PEBP4: variants seen among roughly 807,000 people sequenced by gnomAD.
PEBP4 encodes the protein phosphatidylethanolamine binding protein 4.
PEBP4 carries 22 observed loss-of-function variants against 23.9 expected under a neutral mutation model. The observed-to-expected ratio is 0.92, with a 90% CI of 0.66 to 1.31. The LOEUF (loss-of-function observed/expected upper bound fraction) is 1.31, where lower values mean the gene tolerates loss of function less well. Ranked by LOEUF, PEBP4 falls within the 40% of genes most tolerant of loss-of-function variation. The pLI is 0.00. For synonymous variants in PEBP4, 112 were observed against 99.3 expected (o/e 1.13, Z -0.76); for missense variants, 324 against 281.7 (o/e 1.15, Z -1.07).
chr8:22,850,449 G>A (rs1807528602), intron 3 of PEBP4, among the ~76,000 whole-genome samples: 1 of 152,230 alleles, frequency 6.6e-6, no homozygotes, highest in African/African-American at 2.4e-5. Flanking sequence ...TGGGAAGCCA[G>A]AGAGCAAAGT....
At chr8:22,924,090 T>C (rs1809271718) in intron 2 of PEBP4, among the ~76,000 whole-genome samples, 1 of 152,156 alleles carries the variant, frequency 6.6e-6, no homozygotes, top group South Asian at 2.1e-4. Context: ...AAGCCAGGTA[T>C]GGCAGTGCAT....
intron 3 of PEBP4, among the ~76,000 whole-genome samples, chr8:22,820,915 TG>T (rs1806844423): frequency 6.6e-6 from 1 of 152,314 alleles, no homozygotes; most frequent in Non-Finnish European, 1.5e-5. Flanking sequence ...GCTTTGGGGC[TG>T]GGCATGGTGG....
intron 3 of PEBP4, among the ~76,000 whole-genome samples, chr8:22,880,890 A>G (rs2128772273): frequency 6.6e-6 from 1 of 152,290 alleles, no homozygotes; most frequent in African/African-American, 2.4e-5. Context: ...TCCCCAAAGA[A>G]GGGGAAGCAC....
chr8:22,735,216 T>C (rs1333329212), intron 4 of PEBP4, among the ~76,000 whole-genome samples: 1 of 152,088 alleles, frequency 6.6e-6, no homozygotes, highest in African/African-American at 2.4e-5. Flanking sequence ...AAATAATAAT[T>C]ACAGGCTTAA....
rs564028405 is a variant in PEBP4 at position 22,827,637 on chromosome 8, T to C, written c.259-9902A>G. On this transcript the variant is annotated intron_variant, in intron 3 of 6. Transcript: ENST00000256404. ...ATAGAGACCACATTTGTTTATCCAA[T>C]TGGTGGACATTTGGTTTATTTCCAC... Among the ~76,000 whole-genome samples the C allele has an allele frequency of 2.6e-5, 4 of 152,358 alleles. No individual in the cohort carries two copies. The East Asian group carries it at 5.8e-4, about 22-fold the overall frequency.
intron 4 of PEBP4, among the ~76,000 whole-genome samples, chr8:22,782,933 C>G (rs1338343104): frequency 6.6e-6 from 1 of 152,352 alleles, no homozygotes; most frequent in East Asian, 1.9e-4. Context: ...GGGAAGACGA[C>G]TAGCTCCCTC....
chr8:22,818,088 G>A (rs1806783863), intron 3 of PEBP4, among the ~76,000 whole-genome samples: 1 of 152,228 alleles, frequency 6.6e-6, no homozygotes, highest in Non-Finnish European at 1.5e-5. Context: ...AGAATCCAGT[G>A]TAGTTGGAGT....
rs190088361 is a variant in PEBP4, at chr8:22,788,859, G to A, written c.357+28778C>T. 3.8e-4 allele frequency among the ~76,000 whole-genome samples: 58 copies of A among 152,228 alleles called. No homozygotes were observed. The East Asian group carries it at 5.2e-3, about 14-fold the overall frequency. On this transcript the variant is annotated intron_variant, in intron 4 of 6. Transcript: ENST00000256404. ...TATTCACAACTTTGTTCATTGTAGC[G>A]TTGGTGATAATATAAAAAAAAAGCA...
chr8:22,822,011 G>A (rs1383442448), intron 3 of PEBP4, among the ~76,000 whole-genome samples: 1 of 150,590 alleles, frequency 6.6e-6, no homozygotes, highest in Non-Finnish European at 1.5e-5. Context: ...AGGCTGAGGA[G>A]AAGAGAGTTC....
intron 4 of PEBP4, among the ~76,000 whole-genome samples, chr8:22,815,669 G>A (rs1214904665): frequency 1.3e-5 from 2 of 152,208 alleles, no homozygotes; most frequent in East Asian, 3.8e-4. Context: ...GAAGGCCGAG[G>A]GCCGCACCCG....
Position 22,775,354 on chromosome 8 carries a change from G to A in PEBP4, c.357+42283C>T, listed in dbSNP as rs1437499348. 6.6e-6 allele frequency among the ~76,000 whole-genome samples: 1 copy of A among 152,244 alleles called. No homozygotes were observed. The highest frequency in any genetic ancestry group is 1.5e-5 in the Non-Finnish European group (1 of 68,046). On this transcript the variant is annotated intron_variant, in intron 4 of 6. Transcript: ENST00000256404. This position sits in a 1 kb window ranked among gnomAD's most constrained non-coding sequence, Gnocchi z 4.8. ...CCGTCTGCCAGGGAGAAGCCTCCGG[G>A]TGGTCTCTGCTGGGTGGGCCCAGCT...
intron 3 of PEBP4, among the ~76,000 whole-genome samples, chr8:22,847,612 G>A (rs1807464155): frequency 6.6e-6 from 1 of 152,128 alleles, no homozygotes; most frequent in African/African-American, 2.4e-5. Context: ...AAGCAGCCTG[G>A]GTTTCATGAG....
intron 3 of PEBP4, among the ~76,000 whole-genome samples, chr8:22,830,623 C>A (rs572248061): frequency 6.6e-6 from 1 of 152,318 alleles, no homozygotes; most frequent in Admixed American, 6.5e-5. Flanking sequence ...AACAACATTG[C>A]CTGGTATTCC....
At chr8:22,762,093 GA>G (rs201667916) in intron 4 of PEBP4, among the ~76,000 whole-genome samples, 2 of 145,776 alleles carry the variant, frequency 1.4e-5, no homozygotes, top group African/African-American at 2.5e-5. Flanking sequence ...TATTGTGCCA[GA>G]AAAAAAAATC....
intron 4 of PEBP4, among the ~76,000 whole-genome samples, chr8:22,749,490 G>C (rs1805200282): frequency 6.6e-6 from 1 of 152,248 alleles, no homozygotes; most frequent in African/African-American, 2.4e-5. Flanking sequence ...CCCTGGTCAG[G>C]GGTGTCACCA....
intron 4 of PEBP4, among the ~76,000 whole-genome samples, chr8:22,780,863 C>T (rs550315783): frequency 6.6e-6 from 1 of 152,292 alleles, no homozygotes; most frequent in East Asian, 1.9e-4. Flanking sequence ...GAGTGTGCTC[C>T]GAGTGCTCCC....
chr8:22,833,479 A>C (rs1157529378), intron 3 of PEBP4, among the ~76,000 whole-genome samples: 1 of 152,104 alleles, frequency 6.6e-6, no homozygotes, highest in Non-Finnish European at 1.5e-5. Context: ...TTACAGGTGC[A>C]TGCCACCACG....
chr8:22,766,760 G>T (rs148985135), intron 4 of PEBP4, among the ~76,000 whole-genome samples: 1 of 152,314 alleles, frequency 6.6e-6, no homozygotes, highest in Non-Finnish European at 1.5e-5. Context: ...GCATGCCCTG[G>T]TGTCACTTTT....
intron 4 of PEBP4, among the ~76,000 whole-genome samples, chr8:22,795,471 G>A (rs1387658996): frequency 2.0e-5 from 3 of 151,818 alleles, no homozygotes; most frequent in East Asian, 1.9e-4. Flanking sequence ...CACTGCTCCC[G>A]GCCTAATTAT....
Sources: allele counts gnomAD v4.1 joint callset (sites outside exome capture counted in the v4.1 genomes callset), GRCh38; gene constraint gnomAD v4.1.1; non-coding constraint Gnocchi (gnomAD v3.1); transcripts MANE v1.5; gene names NCBI Gene and HGNC (gene_info 2026-07-23, HGNC 2026-07-21).